The following GSDMC variants were observed in gnomAD, a reference collection of about 807,000 sequenced individuals.
GSDMC encodes gasdermin C.
GSDMC carries 59 observed loss-of-function variants against 58.0 expected under a neutral mutation model. That is an observed-to-expected ratio of 1.02 (90% CI 0.82 to 1.26). The LOEUF (loss-of-function observed/expected upper bound fraction) is 1.26, where lower values mean the gene tolerates loss of function less well. Among genes scored for constraint, GSDMC ranks in the 50% most tolerant of loss-of-function variants. The pLI, the probability that GSDMC is intolerant of heterozygous loss-of-function variation, is 0.00. For synonymous variants in GSDMC, 241 were observed against 220.2 expected (o/e 1.09, Z -0.83); for missense variants, 659 against 598.5 (o/e 1.10, Z -1.06).
chr8:129,728,497 A>C, the GSDMC span, among the ~76,000 whole-genome samples: 1 of 152,124 alleles, frequency 6.6e-6, no homozygotes, highest in Non-Finnish European at 1.5e-5. Context: ...CACCCACTGG[A>C]TTCTCCCTCA....
the GSDMC span, among the ~76,000 whole-genome samples, chr8:129,740,043 A>G: frequency 1.3e-5 from 2 of 152,174 alleles, no homozygotes; most frequent in African/African-American, 4.8e-5. Context: ...TTTAACAAAA[A>G]GTTTACAAAC....
chr8:129,719,549 C>T, the GSDMC span, among the ~76,000 whole-genome samples: 1 of 152,180 alleles, frequency 6.6e-6, no homozygotes, highest in African/African-American at 2.4e-5. Flanking sequence ...ATAGAATCCA[C>T]CACTCTATAT....
chr8:129,783,321 T>C (rs1308112472), intron 1 of GSDMC, among the ~76,000 whole-genome samples: 2 of 152,166 alleles, frequency 1.3e-5, no homozygotes, highest in Non-Finnish European at 2.9e-5. Context: ...TTGTGGATGA[T>C]GTGGTCTTAT....
At chr8:129,724,989 A>G in the GSDMC span, among the ~76,000 whole-genome samples, 28 of 152,214 alleles carry the variant, frequency 1.8e-4, no homozygotes, top group Admixed American at 1.2e-3. Flanking sequence ...AAGCAATATC[A>G]TAAAAGGAAT....
chr8:129,752,526 C>A (rs749865399), intron 7 of GSDMC, among the ~76,000 whole-genome samples, 172 bp downstream of exon 7: 3 of 152,166 alleles, frequency 2.0e-5, no homozygotes, highest in Admixed American at 6.5e-5. Flanking sequence ...GGTCAGGGAT[C>A]AGCAGTGCCT....
chr8:129,747,947 T>TACAC (rs112116565), downstream of GSDMC, among the ~76,000 whole-genome samples: 7 of 150,582 alleles, frequency 4.6e-5, no homozygotes, highest in East Asian at 1.9e-4. Context: ...AATATGCACA[T>TACAC]ACACACACAC....
intron 3 of GSDMC, among the ~76,000 whole-genome samples, chr8:129,766,508 C>A (rs761669530): frequency 6.6e-6 from 1 of 152,178 alleles, no homozygotes; most frequent in African/African-American, 2.4e-5. Context: ...AAGGTTACTG[C>A]GCACACAATA....
Position 129,749,506 on chromosome 8 carries a change from G to C in GSDMC, c.1233C>G (p.His411Gln), listed in dbSNP as rs374279128. The C allele has an allele frequency of 6.2e-7, 1 of 1,613,678 alleles. No individual in the cohort carries two copies. The highest frequency in any genetic ancestry group is 8.5e-7 in the Non-Finnish European group (1 of 1,179,638). The stretch of plus-strand genomic sequence containing the variant: ...TCTCCATGGAACAGGCCAGCAAATC[G>C]TGTTGGAAGTCACTCAGCACTGAGG... The part of the protein sequence containing the change: ...EAIMVLSDFQ[H>Q]DLLACSMEKR... The change falls in exon 13 of 14, where the codon CAC becomes CAG. Residue 411 changes from histidine (H) to glutamine (Q), a missense_variant. Transcript: ENST00000276708.
chr8:129,775,550 T>C (rs2034197512), intron 3 of GSDMC, among the ~76,000 whole-genome samples: 1 of 152,170 alleles, frequency 6.6e-6, no homozygotes, highest in African/African-American at 2.4e-5. Context: ...GTAATAGATA[T>C]GTTAACTGAC....
chr8:129,739,718 G>GTT, the GSDMC span, among the ~76,000 whole-genome samples: 1 of 152,186 alleles, frequency 6.6e-6, no homozygotes, highest in Non-Finnish European at 1.5e-5. Context: ...AGCACACACA[G>GTT]TTATCTATAA....
intron 3 of GSDMC, among the ~76,000 whole-genome samples, chr8:129,766,291 C>T (rs2033857569): frequency 6.6e-6 from 1 of 152,092 alleles, no homozygotes; most frequent in Admixed American, 6.5e-5. Context: ...GATTTACTGT[C>T]CTTGGTGGGT....
At chr8:129,728,774 G>A in the GSDMC span, 2 of 513,826 alleles carry the variant, frequency 3.9e-6, no homozygotes, top group Admixed American at 3.2e-5. Context: ...CGAGGGCTCT[G>A]CCTGGTGGCT....
intron 1 of GSDMC, among the ~76,000 whole-genome samples, chr8:129,780,928 G>A (rs2034387264): frequency 7.7e-6 from 1 of 130,422 alleles, no homozygotes; most frequent in African/African-American, 2.7e-5. Context: ...TTAGTTTTCT[G>A]TTTGTGTTTG....
At chr8:129,740,340 C>T in the GSDMC span, among the ~76,000 whole-genome samples, 1 of 152,202 alleles carries the variant, frequency 6.6e-6, no homozygotes, top group Non-Finnish European at 1.5e-5. Flanking sequence ...CATTCACTCA[C>T]CGCTCACTCA....
At chr8:129,735,247 C>T in the GSDMC span, among the ~76,000 whole-genome samples, 3 of 152,106 alleles carry the variant, frequency 2.0e-5, no homozygotes, top group Non-Finnish European at 2.9e-5. Flanking sequence ...GACAGATCAA[C>T]GAGACATAAG....
chr8:129,711,399 T>C, the GSDMC span, among the ~76,000 whole-genome samples: 3 of 152,306 alleles, frequency 2.0e-5, no homozygotes, highest in African/African-American at 7.2e-5. Context: ...AAATCACACA[T>C]TTGGGAAGGA....
chr8:129,745,594 T>C (rs940005308), downstream of GSDMC, among the ~76,000 whole-genome samples: 1 of 152,118 alleles, frequency 6.6e-6, no homozygotes, highest in Non-Finnish European at 1.5e-5. Context: ...ATACATTTAT[T>C]TATTTTCTCT....
At chr8:129,729,878 GC>G in the GSDMC span, 3 of 1,026,706 alleles carry the variant, frequency 2.9e-6, no homozygotes, top group Non-Finnish European at 4.6e-6. Context: ...AAGCAGTATT[GC>G]CCCAACCTAC....
chr8:129,759,270 C>T (rs965075096), intron 6 of GSDMC, among the ~76,000 whole-genome samples: 3 of 152,094 alleles, frequency 2.0e-5, no homozygotes, highest in African/African-American at 7.2e-5. Context: ...TAAAATAAAA[C>T]ATTAAGAAAA....
Sources: allele counts gnomAD v4.1 joint callset (sites outside exome capture counted in the v4.1 genomes callset), GRCh38; gene constraint gnomAD v4.1.1; transcripts MANE v1.5; gene names NCBI Gene and HGNC (gene_info 2026-07-23, HGNC 2026-07-21).